The following RBFOX3 variants were observed in gnomAD, a reference collection of about 807,000 sequenced individuals.
The protein encoded by RBFOX3 is RNA binding protein fox-1 homolog 3.
RBFOX3 carries 17 observed loss-of-function variants against 48.7 expected under a neutral mutation model. The observed-to-expected ratio is 0.35, with a 90% CI of 0.24 to 0.52. The LOEUF is 0.52. RBFOX3 is among the 20% of genes least tolerant of loss of function. The probability of loss-of-function intolerance (pLI) is 0.94; values close to 1 mark genes in which losing one functional copy is unlikely to be tolerated. For synonymous variants in RBFOX3, 212 were observed against 209.5 expected, an observed-to-expected ratio of 1.01 and a Z score of -0.10; for missense variants, 382 against 497.5, an observed-to-expected ratio of 0.77 and a Z score of 2.21.
At chr17:79,196,095 A>G (rs993117167) in intron 4 of RBFOX3, among the ~76,000 whole-genome samples, 5 of 152,292 alleles carry the variant, frequency 3.3e-5, no homozygotes, top group African/African-American at 1.2e-4. Context: ...TGGATGGAGA[A>G]GCTGAAACCC....
At chr17:79,587,375 G>A (rs925424793) in intron 1 of RBFOX3, among the ~76,000 whole-genome samples, 1 of 152,324 alleles carries the variant, frequency 6.6e-6, no homozygotes, top group South Asian at 2.1e-4. Context: ...GCATGTCCAC[G>A]GCAGCCTGAT....
intron 11 of RBFOX3, 34 bp downstream of exon 11, chr17:79,097,258 C>T (rs1488433888): frequency 2.0e-6 from 3 of 1,515,618 alleles, no homozygotes; most frequent in East Asian, 5.0e-5. Flanking sequence ...CGTCCTACCC[C>T]CTCCTCCACG....
intron 4 of RBFOX3, among the ~76,000 whole-genome samples, chr17:79,227,804 T>A (rs1600113768): frequency 6.6e-6 from 1 of 152,028 alleles, no homozygotes; most frequent in Non-Finnish European, 1.5e-5. Context: ...TCTGTGTTGG[T>A]TTTTCCTTCT....
chr17:79,404,520 A>T (rs2063297439), intron 2 of RBFOX3, among the ~76,000 whole-genome samples: 2 of 152,218 alleles, frequency 1.3e-5, no homozygotes, highest in Admixed American at 1.3e-4. Flanking sequence ...GCAGAGGGCC[A>T]GCCTGTGAGA....
In RBFOX3 at chr17:79,211,808, A is replaced by G. The variant is rs565603847; in HGVS notation, c.-34+23958T>C. On this transcript the variant is annotated intron_variant, in intron 4 of 14. Transcript: ENST00000693108. Reference sequence around the variant, plus strand: ...CAGAACCACTGGTAACTCTCCTCAAAGCAACCACAACGCTTTGCCCTGGTC... The same window carrying G: ...CAGAACCACTGGTAACTCTCCTCAAGGCAACCACAACGCTTTGCCCTGGTC... Among the ~76,000 whole-genome samples the G allele has an allele frequency of 2.0e-5, 3 of 152,246 alleles. No individual in the cohort carries two copies. In the South Asian group the frequency reaches 6.2e-4, roughly 32 times the overall value.
intron 3 of RBFOX3, among the ~76,000 whole-genome samples, chr17:79,284,215 C>T (rs972837164): frequency 6.6e-6 from 1 of 152,150 alleles, no homozygotes; most frequent in African/African-American, 2.4e-5. Context: ...GCCATGTTTC[C>T]GTGAGCATCG....
chr17:79,160,088 A>G (rs545079746), intron 4 of RBFOX3, among the ~76,000 whole-genome samples: 19 of 152,266 alleles, frequency 1.2e-4, no homozygotes, highest in Non-Finnish European at 2.4e-4. Context: ...CCGCTCGAGT[A>G]GTAAGTGACT....
At chr17:79,130,490 C>T (rs896073892) in intron 4 of RBFOX3, among the ~76,000 whole-genome samples, 7 of 152,240 alleles carry the variant, frequency 4.6e-5, no homozygotes, top group South Asian at 2.1e-4. Context: ...TCCCTGCCAC[C>T]GCCCTCTGCC....
At chr17:79,587,432 A>T (rs1289867860) in intron 1 of RBFOX3, among the ~76,000 whole-genome samples, 1 of 152,252 alleles carries the variant, frequency 6.6e-6, no homozygotes, top group South Asian at 2.1e-4. Flanking sequence ...AGTAGACACC[A>T]GCAAGGCTAG....
intron 4 of RBFOX3, among the ~76,000 whole-genome samples, chr17:79,163,420 G>A (rs562566715): frequency 1.3e-5 from 2 of 152,360 alleles, no homozygotes; most frequent in South Asian, 4.1e-4. Context: ...AGGCTGTGGT[G>A]GGGCAGAGTG....
At chr17:79,312,073 A>T (rs543542370) in intron 2 of RBFOX3, among the ~76,000 whole-genome samples, 162 of 152,216 alleles carry the variant, frequency 1.1e-3, no homozygotes, top group African/African-American at 3.7e-3. Context: ...TGCAAAGCAA[A>T]ATGCCACAGT....
intron 2 of RBFOX3, among the ~76,000 whole-genome samples, chr17:79,408,876 T>C (rs1159186935): frequency 6.6e-6 from 1 of 152,150 alleles, no homozygotes; most frequent in Non-Finnish European, 1.5e-5. Context: ...CATTTTAAAG[T>C]GTATCATTTA....
At chr17:79,409,122 C>G (rs925234063) in intron 2 of RBFOX3, among the ~76,000 whole-genome samples, 11 of 152,190 alleles carry the variant, frequency 7.2e-5, no homozygotes, top group Admixed American at 5.9e-4. Flanking sequence ...AAGGCCACCC[C>G]TTCTGCTGAG....
intron 1 of RBFOX3, among the ~76,000 whole-genome samples, chr17:79,513,401 C>T (rs1350561218): frequency 8.5e-5 from 13 of 152,346 alleles, no homozygotes; most frequent in East Asian, 5.8e-4. Context: ...AACATGGCCC[C>T]GTGGCCAAGT....
chr17:79,293,438 TCCTTCCTTCCTTCCTTCCTTCCTTCCTTC>T, intron 3 of RBFOX3, among the ~76,000 whole-genome samples: 1 of 80,036 alleles, frequency 1.2e-5, no homozygotes, highest in African/African-American at 7.2e-5. Flanking sequence ...CTTCCTTCCT[TCCTTCCTTCCTTCCTTCCTTCCTTCCTTC>T]CCTTCCTTCC....
chr17:79,645,183 C>T, the RBFOX3 span, among the ~76,000 whole-genome samples: 3 of 152,292 alleles, frequency 2.0e-5, no homozygotes, highest in Middle Eastern at 3.4e-3. Flanking sequence ...ACATCCACAC[C>T]CCGCCTTTCG....
At chr17:79,644,458 G>A in the RBFOX3 span, among the ~76,000 whole-genome samples, 414 of 152,186 alleles carry the variant, frequency 2.7e-3, 1 homozygote, top group Non-Finnish European at 4.6e-3. Flanking sequence ...TAACATTGTT[G>A]AATTTTATCT....
chr17:79,348,933 C>T (rs1211616139), intron 2 of RBFOX3, among the ~76,000 whole-genome samples: 1 of 152,048 alleles, frequency 6.6e-6, no homozygotes, highest in Non-Finnish European at 1.5e-5. Flanking sequence ...TCTCCACTCT[C>T]CGAGAAACCC....
rs1001374318 is a variant in RBFOX3, at chr17:79,097,267, C to T, written c.755+25G>A. The T allele has an allele frequency of 3.5e-5, 54 of 1,525,166 alleles. No individual in the cohort carries two copies. In the African/African-American group the frequency reaches 6.5e-4, roughly 18 times the overall value. 94.5% of individuals were successfully genotyped at this position (1,525,166 alleles called of 1,614,324 possible). A position where few individuals can be genotyped will look rare whatever the true frequency, so the allele number is the denominator to read the frequency against. On this transcript the variant is annotated intron_variant, in intron 11 of 14. Coordinates refer to ENST00000693108, the MANE Select transcript of RBFOX3 (RefSeq NM_001350451.2). ...CCCCGCCGTCCTACCCCCTCCTCCA[C>T]GCCTCCCCCGGCCCAGGTACTCACG...
Sources: gnomAD v4.1 joint callset for allele counts (sites outside exome capture counted in the v4.1 genomes callset) on GRCh38, gnomAD v4.1.1 for gene constraint, MANE v1.5 for transcripts, NCBI Gene and HGNC (gene_info 2026-07-23, HGNC 2026-07-21) for gene names.